Variants in PLEK2 observed in about 807,000 individuals in gnomAD.
PLEK2 encodes the protein pleckstrin-2.
In PLEK2, 29 loss-of-function variants were observed where a neutral mutation model predicts 43.8. The ratio of observed to expected loss-of-function variants is 0.66; its 90% confidence interval spans 0.49 to 0.90. The LOEUF is 0.90. PLEK2 is among the 40% of genes least tolerant of loss of function. The pLI, the probability that PLEK2 is intolerant of heterozygous loss-of-function variation, is 0.00. For missense variants in PLEK2, 398 were observed against 448.1 expected (o/e 0.89, Z 1.01); for synonymous variants, 162 against 173.2 (o/e 0.94, Z 0.51).
chr14:67,391,334 G>C (rs1228722993), intron 6 of PLEK2, among the ~76,000 whole-genome samples: 1 of 149,594 alleles, frequency 6.7e-6, no homozygotes, highest in Non-Finnish European at 1.5e-5. Flanking sequence ...GACCAGGAGG[G>C]CTAAGGTTAG....
At chr14:67,405,328 GA>G (rs1290509533) in intron 1 of PLEK2, among the ~76,000 whole-genome samples, 1 of 150,644 alleles carries the variant, frequency 6.6e-6, no homozygotes, top group Non-Finnish European at 1.5e-5. Context: ...TTTTTATCAT[GA>G]AAAAATGAAT....
At chr14:67,400,929 A>G (rs2086043641) in intron 1 of PLEK2, among the ~76,000 whole-genome samples, 1 of 151,932 alleles carries the variant, frequency 6.6e-6, no homozygotes, top group African/African-American at 2.4e-5. Context: ...GTTTGAGGCT[A>G]TAGTGAGCTA....
At chr14:67,402,062 C>A (rs1336173682) in intron 1 of PLEK2, among the ~76,000 whole-genome samples, 1 of 152,066 alleles carries the variant, frequency 6.6e-6, no homozygotes. Context: ...ACTCAGGAGG[C>A]GGAGTTTGCA....
rs990145796 is a variant in PLEK2, at chr14:67,387,131, T to C, written c.*198A>G. Reference sequence around the variant, plus strand: ...GACGCCTAATGGCTGTTCTAGCCTTTCCAGGTTTGTAACATGAAGATGGGG... The same window carrying C: ...GACGCCTAATGGCTGTTCTAGCCTTCCCAGGTTTGTAACATGAAGATGGGG... On this transcript the variant is annotated 3_prime_UTR_variant, in exon 9 of 9. Transcript: ENST00000216446. The C allele has an allele frequency of 8.4e-6, 4 of 477,772 alleles. No homozygotes were observed. The highest frequency in any genetic ancestry group is 1.4e-5 in the Non-Finnish European group (4 of 276,486). The allele number at this position is 477,772 out of a possible 1,614,324, so 29.6% of individuals were successfully genotyped here.
At chr14:67,411,867 A>G in intron 1 of PLEK2, 151 bp downstream of exon 1, 1 of 661,418 alleles carries the variant, frequency 1.5e-6, no homozygotes, top group Non-Finnish European at 2.4e-6. Context: ...AGCTCTGCCC[A>G]TCAGGGCCAC....
At chr14:67,393,662 C>G (rs2085985938) in intron 3 of PLEK2, among the ~76,000 whole-genome samples, 1 of 152,036 alleles carries the variant, frequency 6.6e-6, no homozygotes, top group South Asian at 2.1e-4. Flanking sequence ...CCATGTTGAC[C>G]AGGCTGGTCT....
Position 67,390,729 on chromosome 14 carries a change from G to A in PLEK2, c.789C>T (p.Asn263=). 1 of 1,613,088 alleles carries A rather than the reference G, an allele frequency of 6.2e-7. No homozygotes were observed. Among genetic ancestry groups the A allele is most frequent in the Non-Finnish European group, 8.5e-7 (1 of 1,179,030 alleles). Residue 263 remains asparagine, a synonymous_variant, in exon 7 of 9, where the codon AAC becomes AAT. Coordinates refer to ENST00000216446, the MANE Select transcript of PLEK2 (RefSeq NM_016445.3). ...TTAGAACAAAGCGACGCACCTTCCA[G>A]TTTTTCCTCTTGTGTCCCTGAGGCA... is the stretch of plus-strand genomic sequence containing the variant. The part of the protein sequence containing the change: ...YLAKQGHKRK[N]WKVRRFVLRK...
At chr14:67,398,450 C>T (rs1324001247) in intron 1 of PLEK2, among the ~76,000 whole-genome samples, 4 of 152,162 alleles carry the variant, frequency 2.6e-5, no homozygotes, top group African/African-American at 9.7e-5. Flanking sequence ...GCTCTACCAC[C>T]CACCTGAGAG....
At chr14:67,391,082 G>C (rs2085962922) in intron 6 of PLEK2, among the ~76,000 whole-genome samples, 1 of 152,116 alleles carries the variant, frequency 6.6e-6, no homozygotes, top group African/African-American at 2.4e-5. Context: ...GGAGCACACA[G>C]GCAAACTTGA....
At chr14:67,388,799 T>C (rs971399197) in intron 7 of PLEK2, among the ~76,000 whole-genome samples, 2 of 152,020 alleles carry the variant, frequency 1.3e-5, no homozygotes, top group African/African-American at 4.8e-5. Context: ...CCTGCCTCAG[T>C]CTCCCGAGGA....
chr14:67,403,570 A>G (rs1042298025), intron 1 of PLEK2, among the ~76,000 whole-genome samples: 2 of 152,228 alleles, frequency 1.3e-5, no homozygotes, highest in Admixed American at 1.3e-4. Flanking sequence ...AAAGTCACTA[A>G]AGTGGAATGT....
At chr14:67,405,523 A>G (rs930407555) in intron 1 of PLEK2, among the ~76,000 whole-genome samples, 10 of 152,190 alleles carry the variant, frequency 6.6e-5, no homozygotes, top group African/African-American at 2.2e-4. Flanking sequence ...GATGACTGGC[A>G]TGGCCTCAGT....
At position 67,412,077 on chromosome 14, in the gene PLEK2, A is replaced by T; in HGVS notation, c.-18T>A. Reference sequence around the variant, plus strand: ...TCCTCCATGTCGCCGCCCGCACGCCAGGGCCACCCCAGGTGCGCCTTCCCC... The same window carrying T: ...TCCTCCATGTCGCCGCCCGCACGCCTGGGCCACCCCAGGTGCGCCTTCCCC... On this transcript the variant is annotated 5_prime_UTR_variant, in exon 1 of 9. Coordinates refer to ENST00000216446, the MANE Select transcript of PLEK2 (RefSeq NM_016445.3). 1 of 1,532,852 alleles carries T rather than the reference A, an allele frequency of 6.5e-7. No homozygotes were observed. The highest frequency in any genetic ancestry group is 8.7e-7 in the Non-Finnish European group (1 of 1,143,346). The allele number at this position is 1,532,852 out of a possible 1,614,324, so 95.0% of individuals were successfully genotyped here.
intron 1 of PLEK2, among the ~76,000 whole-genome samples, chr14:67,401,729 G>A (rs2086049866): frequency 6.6e-6 from 1 of 152,172 alleles, no homozygotes; most frequent in Non-Finnish European, 1.5e-5. Context: ...CCTATTCTGT[G>A]ATATTTAGTT....
chr14:67,411,056 A>G lies in PLEK2; in HGVS notation c.42+962T>C, dbSNP rs546441353. Among the ~76,000 whole-genome samples, 216 of 147,778 alleles carry G rather than the reference A, an allele frequency of 1.5e-3. 1 individual carries two copies. The highest frequency in any genetic ancestry group is 5.1e-3 in the African/African-American group (204 of 40,056). Reference sequence around the variant, plus strand: ...CAGCTACTAGGGAAGCTGAGGTGAGAGGACCACCTGAGCCTGGGAAGTCGA... The same window carrying G: ...CAGCTACTAGGGAAGCTGAGGTGAGGGGACCACCTGAGCCTGGGAAGTCGA... On this transcript the variant is annotated intron_variant, in intron 1 of 8. Transcript: ENST00000216446.
intron 1 of PLEK2, among the ~76,000 whole-genome samples, chr14:67,406,850 A>G (rs2086082486): frequency 6.6e-6 from 1 of 152,204 alleles, no homozygotes; most frequent in Non-Finnish European, 1.5e-5. Context: ...GGCCGATAAC[A>G]CAATGGTATG....
intron 1 of PLEK2, among the ~76,000 whole-genome samples, chr14:67,400,976 CA>C (rs2139876151): frequency 6.6e-6 from 1 of 150,926 alleles, no homozygotes; most frequent in Admixed American, 6.6e-5. Context: ...GGTGACAGAG[CA>C]AGATTCTGCC....
intron 1 of PLEK2, among the ~76,000 whole-genome samples, chr14:67,410,387 A>C (rs1595662084): frequency 6.6e-6 from 1 of 151,294 alleles, no homozygotes; most frequent in Non-Finnish European, 1.5e-5. Flanking sequence ...CCCAGCTCTC[A>C]CTCTCCCTCC....
chr14:67,388,684 ATTTCT>A (rs1285814654), intron 7 of PLEK2, among the ~76,000 whole-genome samples: 10 of 152,078 alleles, frequency 6.6e-5, no homozygotes, highest in Admixed American at 3.3e-4. Context: ...TATAGTAATC[ATTTCT>A]TTTTTTTTGA....
Sources: gnomAD v4.1 joint callset for allele counts (sites outside exome capture counted in the v4.1 genomes callset) on GRCh38, gnomAD v4.1.1 for gene constraint, MANE v1.5 for transcripts, NCBI Gene and HGNC (gene_info 2026-07-23, HGNC 2026-07-21) for gene names.